DCC: variants seen among roughly 807,000 people sequenced by gnomAD.
DCC encodes the protein netrin receptor DCC.
DCC carries 58 observed loss-of-function variants against 172.5 expected under a neutral mutation model. The ratio of observed to expected loss-of-function variants is 0.34; its 90% CI spans 0.27 to 0.42. DCC has a LOEUF of 0.42. Ranked by LOEUF, DCC falls within the 10% of genes least tolerant of loss-of-function variation. The pLI is 1.00. For synonymous variants in DCC, 709 were observed against 644.5 expected, an observed-to-expected ratio of 1.10 and a Z score of -1.52; for missense variants, 1,740 against 1,791.0, an observed-to-expected ratio of 0.97 and a Z score of 0.51.
rs569440223 is a variant in DCC, at chr18:52,879,960, G to A, written c.413-26084G>A. On this transcript the variant is annotated intron_variant, in intron 2 of 28. Transcript: ENST00000442544. ...TGAGGTGTTTTGATACAGGCATGTG[G>A]TATGTAATAATTATGTCATGGAAAA... Among the ~76,000 whole-genome samples the A allele has an allele frequency of 3.3e-5, 5 of 152,110 alleles. 1 individual carries two copies. The South Asian group carries it at 1.0e-3, about 32-fold the overall frequency.
intron 3 of DCC, among the ~76,000 whole-genome samples, chr18:52,913,078 C>T (rs2039994185): frequency 6.6e-6 from 1 of 152,052 alleles, no homozygotes; most frequent in Non-Finnish European, 1.5e-5. Context: ...TCATTCTGTG[C>T]CCCTCTCCAC....
intron 9 of DCC, among the ~76,000 whole-genome samples, chr18:53,194,212 A>G (rs1186525234): frequency 6.6e-6 from 1 of 152,200 alleles, no homozygotes; most frequent in Non-Finnish European, 1.5e-5. Flanking sequence ...ATCAATGTGA[A>G]GTAAGCAAGA....
In DCC at chr18:52,610,827, T is replaced by C. The variant is rs539940506; in HGVS notation, c.92-141227T>C. ...TTAAGTTACAAAATCTTCTTTTGAT[T>C]TTTTTTCTACCCATTTACAAATGTA... On this transcript the variant is annotated intron_variant, in intron 1 of 28. Transcript: ENST00000442544. Among the ~76,000 whole-genome samples, 376 of 149,632 alleles carry C rather than the reference T, an allele frequency of 2.5e-3. 2 individuals are homozygous for C. Among genetic ancestry groups the C allele is most frequent in the Non-Finnish European group, 4.6e-3 (310 of 67,214 alleles).
At chr18:52,357,629 G>A (rs9960067) in intron 1 of DCC, among the ~76,000 whole-genome samples, 15,124 of 152,112 alleles carry the variant, frequency 0.099, 800 homozygotes, top group Non-Finnish European at 0.11. Flanking sequence ...TTTTGAGTGT[G>A]GGCTGTGCTT....
At chr18:52,840,604 C>T (rs1215979456) in intron 2 of DCC, among the ~76,000 whole-genome samples, 1 of 152,172 alleles carries the variant, frequency 6.6e-6, no homozygotes, top group Non-Finnish European at 1.5e-5. Flanking sequence ...ATGCTGATTA[C>T]TTTGACTAAA....
intron 1 of DCC, among the ~76,000 whole-genome samples, chr18:52,417,316 A>G (rs1055622176): frequency 1.1e-4 from 16 of 151,784 alleles, no homozygotes; most frequent in Admixed American, 3.9e-4. Flanking sequence ...TTTTTCCTTC[A>G]TTTCAACTTT....
At chr18:52,681,214 A>G (rs557664991) in intron 1 of DCC, among the ~76,000 whole-genome samples, 1 of 152,098 alleles carries the variant, frequency 6.6e-6, no homozygotes, top group Non-Finnish European at 1.5e-5. Flanking sequence ...AGTGGGCGGC[A>G]GAACTGGATG....
At chr18:52,998,966 G>T (rs962179322) in intron 5 of DCC, among the ~76,000 whole-genome samples, 1 of 151,984 alleles carries the variant, frequency 6.6e-6, no homozygotes, top group African/African-American at 2.4e-5. Context: ...TGGCGTCATT[G>T]ACTAAAAGGG....
intron 7 of DCC, among the ~76,000 whole-genome samples, chr18:53,067,812 A>C (rs184025622): frequency 1.5e-3 from 226 of 152,274 alleles, no homozygotes; most frequent in Non-Finnish European, 2.5e-3. Context: ...TTTTGTGTTA[A>C]TCTTTTCCTG....
intron 9 of DCC, among the ~76,000 whole-genome samples, chr18:53,189,205 G>A (rs1338772515): frequency 6.6e-6 from 1 of 152,052 alleles, no homozygotes; most frequent in Non-Finnish European, 1.5e-5. Context: ...ATGTGTATAT[G>A]TGTAGATATG....
At chr18:52,551,141 G>A (rs1307843698) in intron 1 of DCC, among the ~76,000 whole-genome samples, 3 of 151,890 alleles carry the variant, frequency 2.0e-5, no homozygotes, top group African/African-American at 4.8e-5. Context: ...AGAGAATGTG[G>A]TCAGTGGCAA....
At chr18:52,559,188 T>A (rs1167470474) in intron 1 of DCC, among the ~76,000 whole-genome samples, 1 of 152,214 alleles carries the variant, frequency 6.6e-6, no homozygotes, top group African/African-American at 2.4e-5. Context: ...CTGGGCTCAC[T>A]GCAACCTCCG....
intron 1 of DCC, among the ~76,000 whole-genome samples, chr18:52,658,035 A>T (rs975775286): frequency 6.6e-6 from 1 of 152,198 alleles, no homozygotes; most frequent in Non-Finnish European, 1.5e-5. Context: ...CCAGACCTAG[A>T]TATTCCTCCC....
intron 25 of DCC, among the ~76,000 whole-genome samples, chr18:53,470,837 C>T (rs2045687261): frequency 1.3e-5 from 2 of 152,204 alleles, no homozygotes; most frequent in South Asian, 4.1e-4. Flanking sequence ...ATGAGCCAAT[C>T]ACCTCCCACT....
intron 12 of DCC, among the ~76,000 whole-genome samples, chr18:53,279,681 G>A (rs2056847090): frequency 6.7e-6 from 1 of 150,012 alleles, no homozygotes; most frequent in Non-Finnish European, 1.5e-5. Flanking sequence ...ACTTAAACTA[G>A]GCTAAATGCC....
chr18:52,355,401 G>A (rs764166205), intron 1 of DCC, among the ~76,000 whole-genome samples: 4 of 152,114 alleles, frequency 2.6e-5, no homozygotes, highest in East Asian at 1.9e-4. Context: ...TTATGTACAC[G>A]TGGGTGCAAA....
chr18:53,035,321 C>G (rs1033071780), intron 5 of DCC, among the ~76,000 whole-genome samples: 2 of 152,028 alleles, frequency 1.3e-5, no homozygotes, highest in African/African-American at 4.8e-5. Context: ...TATGTGCTCC[C>G]TGAGAATGGG....
chr18:53,009,602 T>C (rs1425004169), intron 5 of DCC, among the ~76,000 whole-genome samples: 1 of 151,978 alleles, frequency 6.6e-6, no homozygotes, highest in Non-Finnish European at 1.5e-5. Context: ...TTTGTACCAA[T>C]GCATGTTTCT....
chr18:53,048,525 GTA>G (rs1555700918), intron 5 of DCC, among the ~76,000 whole-genome samples: 2 of 137,042 alleles, frequency 1.5e-5, no homozygotes, highest in Admixed American at 7.4e-5. Flanking sequence ...GTGTGTGTGT[GTA>G]TACATATATA....
Sources: gnomAD v4.1 joint callset for allele counts (sites outside exome capture counted in the v4.1 genomes callset) on GRCh38, gnomAD v4.1.1 for gene constraint, MANE v1.5 for transcripts, NCBI Gene and HGNC (gene_info 2026-07-23, HGNC 2026-07-21) for gene names.